BRI3: variants seen among roughly 807,000 people sequenced by gnomAD.
BRI3 encodes the protein membrane protein BRI3.
BRI3 carries 6 observed loss-of-function variants against 12.8 expected under a neutral mutation model. The observed-to-expected ratio is 0.47, with a 90% CI of 0.26 to 0.93. The LOEUF (loss-of-function observed/expected upper bound fraction) is 0.93, where lower values mean the gene tolerates loss of function less well. Ranked by LOEUF, BRI3 falls within the 40% of genes least tolerant of loss-of-function variation. The probability of loss-of-function intolerance (pLI) is 0.15; values close to 1 mark genes in which losing one functional copy is unlikely to be tolerated. For synonymous variants in BRI3, 91 were observed against 76.1 expected (o/e 1.20, Z -1.02); for missense variants, 134 against 171.1 (o/e 0.78, Z 1.21).
chr7:98,283,567 C>T (rs1476049291), intron 2 of BRI3, among the ~76,000 whole-genome samples: 2 of 151,996 alleles, frequency 1.3e-5, no homozygotes, highest in Admixed American at 6.5e-5. Context: ...TGGCTGCCTT[C>T]GGGACATAGT....
chr7:98,319,833 G>A, the BRI3 span, among the ~76,000 whole-genome samples: 1 of 152,178 alleles, frequency 6.6e-6, no homozygotes, highest in South Asian at 2.1e-4. Flanking sequence ...TTACAGGCAT[G>A]AGCCACCGCA....
chr7:98,304,111 G>A (rs1449410415), upstream of BRI3: 1 of 1,392,004 alleles, frequency 7.2e-7, no homozygotes, highest in Non-Finnish European at 9.5e-7. Flanking sequence ...ACAGAGCAGA[G>A]CAAGGCGGTC....
chr7:98,292,450 C>T (rs977755038), downstream of BRI3: 6 of 602,832 alleles, frequency 1.0e-5, no homozygotes, highest in African/African-American at 3.8e-5. Context: ...CTGGGATTCC[C>T]GTACCTGGGC....
chr7:98,319,219 G>C, the BRI3 span, among the ~76,000 whole-genome samples: 3 of 152,276 alleles, frequency 2.0e-5, no homozygotes, highest in South Asian at 6.2e-4. Flanking sequence ...GTACTCTATA[G>C]AGCAAGGGAA....
At chr7:98,290,320 T>A (rs1246760901) in intron 2 of BRI3, among the ~76,000 whole-genome samples, 3 of 147,460 alleles carry the variant, frequency 2.0e-5, no homozygotes, top group Admixed American at 6.8e-5. Context: ...CTCAGCCTCC[T>A]GAGTAGCTGG....
the BRI3 span, chr7:98,320,132 G>A: frequency 6.2e-7 from 1 of 1,608,924 alleles, no homozygotes; most frequent in Non-Finnish European, 8.5e-7. Flanking sequence ...TTTTTAAACT[G>A]TTAACAAAAG....
upstream of BRI3, chr7:98,306,353 G>T: frequency 2.0e-6 from 3 of 1,509,156 alleles, no homozygotes; most frequent in East Asian, 6.8e-5. Flanking sequence ...GGCAGGGCCT[G>T]CGACACAGCT....
exon 2 of BRI3, chr7:98,307,563 GAACTAAACCA>G: frequency 6.7e-7 from 1 of 1,486,898 alleles, no homozygotes; most frequent in Non-Finnish European, 8.9e-7. Context: ...AACTAAACTA[GAACTAAACCA>G]TAAACTTAAC....
At chr7:98,281,967 C>A in intron 1 of BRI3, 30 bp downstream of exon 1, 1 of 1,286,218 alleles carries the variant, frequency 7.8e-7, no homozygotes, top group Non-Finnish European at 9.8e-7. Context: ...TCCCCGCCGG[C>A]GGCTTCCGAG....
chr7:98,283,455 G>A (rs1208585064), intron 2 of BRI3, among the ~76,000 whole-genome samples: 6 of 150,918 alleles, frequency 4.0e-5, no homozygotes, highest in Non-Finnish European at 7.4e-5. Flanking sequence ...CAGGGACCCC[G>A]TGACAAACCC....
Position 98,281,739 on chromosome 7 carries a change from C to T in BRI3, c.-57C>T, listed in dbSNP as rs1249516661. The T allele has an allele frequency of 7.1e-5, 67 of 940,366 alleles. No homozygotes were observed. Among genetic ancestry groups the T allele is most frequent in the Non-Finnish European group, 8.5e-5 (67 of 788,450 alleles). 58.3% of individuals were successfully genotyped at this position (940,366 alleles called of 1,614,324 possible). A position where few individuals can be genotyped will look rare whatever the true frequency, so the allele number is the denominator to read the frequency against. On this transcript the variant is annotated 5_prime_UTR_variant, in exon 1 of 3. Coordinates refer to ENST00000297290, the MANE Select transcript of BRI3 (RefSeq NM_015379.5). ...CGTCCCCGCCGCCGCCGCCGCGTCC[C>T]CCGCCGGGGCCGACCGAGCCGAGCC... is the stretch of plus-strand genomic sequence containing the variant.
At chr7:98,286,843 C>T (rs915723489) in intron 2 of BRI3, among the ~76,000 whole-genome samples, 2 of 152,374 alleles carry the variant, frequency 1.3e-5, no homozygotes, top group African/African-American at 4.8e-5. Context: ...TAAATAGCCA[C>T]ACACCAGTTC....
At chr7:98,306,547 C>T (rs754008612) in exon 1 of BRI3, 1 of 1,614,060 alleles carries the variant, frequency 6.2e-7, no homozygotes, top group Non-Finnish European at 8.5e-7. Flanking sequence ...AAGACCCTAT[C>T]AGCAGTAGAC....
In BRI3 at chr7:98,290,243, T is replaced by TGGACTGC. The variant is rs570499829; in HGVS notation, c.246-867_246-861dup. 4.0e-4 allele frequency among the ~76,000 whole-genome samples: 56 copies of TGGACTGC among 139,464 alleles called. 1 individual carries two copies. In the South Asian group the frequency reaches 0.013, roughly 33 times the overall value. 91.5% of individuals were successfully genotyped at this position (139,464 alleles called of 152,430 possible). On this transcript the variant is annotated intron_variant, in intron 2 of 2. Transcript: ENST00000297290. ...TCGCTCTGTCGCCCAGGCCGGACTG[T>TGGACTGC]GGACTGCAGTGGCACAATCTCGGCT... is the stretch of plus-strand genomic sequence containing the variant.
At chr7:98,299,966 G>A (rs1183838896) in intron 1 of BRI3, among the ~76,000 whole-genome samples, 6 of 152,154 alleles carry the variant, frequency 3.9e-5, no homozygotes, top group African/African-American at 1.2e-4. Context: ...GCTTGAGCCC[G>A]GGAAGTGGAG....
chr7:98,282,782 G>A (rs903775303), intron 2 of BRI3: 5 of 278,656 alleles, frequency 1.8e-5, no homozygotes, highest in Admixed American at 5.0e-5. Context: ...GGACTTGCAA[G>A]GAATCAGGTG....
chr7:98,281,835 T>G lies in BRI3; in HGVS notation c.40T>G (p.Tyr14Asp). The G allele has an allele frequency of 7.8e-7, 1 of 1,283,882 alleles. No homozygotes were observed. The highest frequency in any genetic ancestry group is 9.9e-7 in the Non-Finnish European group (1 of 1,012,916). 79.5% of individuals were successfully genotyped at this position (1,283,882 alleles called of 1,614,324 possible). ...GCTGCTGCAGGAGCGGCCGCCCGCC[T>G]ACAACCTGGAGGCCGGCCAGGGCGA... ...KPLLQERPPAYNLEAGQGDYA... is the reference protein window; with the variant it reads ...KPLLQERPPADNLEAGQGDYA... The change falls in exon 1 of 3, where the codon TAC becomes GAC. Residue 14 changes from tyrosine to aspartate, a missense_variant. Coordinates refer to ENST00000297290, the MANE Select transcript of BRI3 (RefSeq NM_015379.5).
chr7:98,322,490 G>A, the BRI3 span, among the ~76,000 whole-genome samples: 1 of 152,134 alleles, frequency 6.6e-6, no homozygotes, highest in Non-Finnish European at 1.5e-5. Context: ...ACAATCCCTT[G>A]GGGATAGGAG....
chr7:98,283,621 G>GT (rs1799610291), intron 2 of BRI3, among the ~76,000 whole-genome samples: 1 of 152,178 alleles, frequency 6.6e-6, no homozygotes, highest in Non-Finnish European at 1.5e-5. Flanking sequence ...GCAGAGCTGT[G>GT]TGAGTGTGAA....
Sources: gnomAD v4.1 joint callset for allele counts (sites outside exome capture counted in the v4.1 genomes callset) on GRCh38, gnomAD v4.1.1 for gene constraint, MANE v1.5 for transcripts, NCBI Gene and HGNC (gene_info 2026-07-23, HGNC 2026-07-21) for gene names.